Variants in MEOX1 observed in about 807,000 individuals in gnomAD.
MEOX1 encodes the protein mesenchyme homeobox 1.
In MEOX1, 17 loss-of-function variants were observed where a neutral mutation model predicts 23.2. The ratio of observed to expected loss-of-function variants is 0.73; its 90% CI spans 0.50 to 1.10. The LOEUF (loss-of-function observed/expected upper bound fraction) is 1.10, where lower values mean the gene tolerates loss of function less well. Ranked by LOEUF, MEOX1 falls within the 50% of genes least tolerant of loss-of-function variation. The probability of loss-of-function intolerance (pLI) is 0.00; values close to 1 mark genes in which losing one functional copy is unlikely to be tolerated. For synonymous variants in MEOX1, 134 were observed against 135.1 expected (o/e 0.99, Z 0.06); for missense variants, 333 against 332.2 (o/e 1.00, Z -0.02).
At chr17:43,642,068 G>A in intron 2 of MEOX1, 36 bp from the exon 3 acceptor site, 1 of 1,593,274 alleles carries the variant, frequency 6.3e-7, no homozygotes, top group Non-Finnish European at 8.5e-7. Flanking sequence ...GTCACTCCAG[G>A]GCCGGTGTGA....
rs139616736 is a variant in MEOX1 at position 43,645,766 on chromosome 17, A to C, written c.470-2106T>G. On this transcript the variant is annotated intron_variant, in intron 1 of 2. Coordinates refer to ENST00000318579, the MANE Select transcript of MEOX1 (RefSeq NM_004527.4). ...GAACCCCACATTAACCCGGCGATCC[A>C]CTTTGGAGCTTTGAGCCTAGCTGGT... 1.2e-3 allele frequency among the ~76,000 whole-genome samples: 180 copies of C among 152,238 alleles called. 2 individuals carry two copies. The highest frequency in any genetic ancestry group is 4.2e-3 in the African/African-American group (174 of 41,578).
chr17:43,647,793 G>A (rs1018129268), intron 1 of MEOX1, among the ~76,000 whole-genome samples: 23 of 152,274 alleles, frequency 1.5e-4, no homozygotes, highest in African/African-American at 5.1e-4. Flanking sequence ...TTCCAGTGCC[G>A]ATTTCCAGCA....
intron 1 of MEOX1, among the ~76,000 whole-genome samples, chr17:43,652,318 G>A (rs929787849): frequency 2.0e-5 from 3 of 152,092 alleles, no homozygotes; most frequent in African/African-American, 7.2e-5. Flanking sequence ...AGGCAGGCCC[G>A]GCTGACAGCA....
rs1383190867 is a variant in MEOX1 at position 43,641,648 on chromosome 17, A to T, written c.*262T>A. 5.5e-6 allele frequency: 2 copies of T among 366,934 alleles called. No individual in the cohort carries two copies. The highest frequency in any genetic ancestry group is 2.1e-5 in the African/African-American group (1 of 48,186). The allele number at this position is 366,934 out of a possible 1,614,324, so 22.7% of individuals were successfully genotyped here. A position where few individuals can be genotyped will look rare whatever the true frequency, so the allele number is the denominator to read the frequency against. Reference sequence around the variant, plus strand: ...TATCTCTGAAGCTGTTTCCAGATTCATCCGGCCCGGTAGGATCTCTGTCTG... The same window carrying T: ...TATCTCTGAAGCTGTTTCCAGATTCTTCCGGCCCGGTAGGATCTCTGTCTG... On this transcript the variant is annotated 3_prime_UTR_variant, in exon 3 of 3. Transcript: ENST00000318579.
At chr17:43,645,980 G>A (rs754787906) in intron 1 of MEOX1, among the ~76,000 whole-genome samples, 1 of 152,254 alleles carries the variant, frequency 6.6e-6, no homozygotes, top group Non-Finnish European at 1.5e-5. Context: ...GGGATGGAAG[G>A]GGAGTGGGTG....
chr17:43,649,033 C>T (rs1428736859), intron 1 of MEOX1, among the ~76,000 whole-genome samples: 2 of 152,158 alleles, frequency 1.3e-5, no homozygotes. Context: ...TCAATTTCCT[C>T]ATTTGCAAAG....
rs1455072326 is a variant in MEOX1 at position 43,661,434 on chromosome 17, C to T, written c.101G>A (p.Gly34Glu). 6.2e-7 allele frequency: 1 copy of T among 1,612,474 alleles called. No individual in the cohort carries two copies. Among genetic ancestry groups the T allele is most frequent in the African/African-American group, 1.3e-5 (1 of 74,830 alleles). ...CGGGGTGGGCGGGTAGTGGGGTAGC[C>T]CTGAGGCCCCATTGCCTTCCGAGTG... ...NPHSEGNGAS[G>E]LPHYPPTPFS... Residue 34 changes from glycine to glutamate, a missense_variant, in exon 1 of 3, where the codon GGG becomes GAG. By Grantham distance (98) the Gly-to-Glu change is moderately conservative (BLOSUM62 -2). Transcript: ENST00000318579.
chr17:43,661,346 T>C lies in MEOX1; in HGVS notation c.189A>G (p.Ser63=), dbSNP rs367782056. 49 of 1,613,228 alleles carry C rather than the reference T, an allele frequency of 3.0e-5. No homozygotes were observed. The East Asian group carries it at 5.8e-4, about 19-fold the overall frequency. Residue 63 remains serine, a synonymous_variant, in exon 1 of 3, where the codon TCA becomes TCG. Coordinates refer to ENST00000318579, the MANE Select transcript of MEOX1 (RefSeq NM_004527.4). ...GTGGGGTGGCTGCCAGGCAGGAGGC[T>C]GAGAAGTCAGGGTACGCTGCCGTCG... The part of the protein sequence containing the change: ...ATATAAYPDF[S]ASCLAATPHS...
chr17:43,646,575 C>A (rs1972818458), intron 1 of MEOX1, among the ~76,000 whole-genome samples: 1 of 151,490 alleles, frequency 6.6e-6, no homozygotes. Context: ...AGTCACTTAG[C>A]CTCTCTGGGC....
At position 43,641,756 on chromosome 17, in the gene MEOX1, T is replaced by C. The variant is rs769444541; in HGVS notation, c.*154A>G. 45 of 762,218 alleles carry C rather than the reference T, an allele frequency of 5.9e-5. No individual in the cohort carries two copies. In the Middle Eastern group the frequency reaches 8.4e-4, roughly 14 times the overall value. The allele number at this position is 762,218 out of a possible 1,614,324, so 47.2% of individuals were successfully genotyped here. ...AGAACTTCCTAGAAAATCCTAAGACTCCCAGGAATGCTGGGCAGTTTCATA... is the reference window on the plus strand; with the variant it reads ...AGAACTTCCTAGAAAATCCTAAGACCCCCAGGAATGCTGGGCAGTTTCATA... On this transcript the variant is annotated 3_prime_UTR_variant, in exon 3 of 3. Transcript: ENST00000318579.
intron 1 of MEOX1, among the ~76,000 whole-genome samples, chr17:43,657,170 CTTT>C (rs57432395): frequency 0.025 from 2,060 of 81,672 alleles, 36 homozygotes; most frequent in African/African-American, 0.1. Context: ...TTCTTTCTTT[CTTT>C]TTTTTTTTTT....
intron 2 of MEOX1, 45 bp from the exon 3 acceptor site, chr17:43,642,077 GACC>G (rs1293734344): frequency 6.3e-7 from 1 of 1,581,512 alleles, no homozygotes; most frequent in Non-Finnish European, 8.6e-7. Flanking sequence ...GGGCCGGTGT[GACC>G]TCCTCCCCAT....
At chr17:43,645,944 C>G (rs1972802020) in intron 1 of MEOX1, among the ~76,000 whole-genome samples, 1 of 152,250 alleles carries the variant, frequency 6.6e-6, no homozygotes, top group South Asian at 2.1e-4. Flanking sequence ...GCCCACCTCG[C>G]GCTGCGCGTC....
intron 1 of MEOX1, among the ~76,000 whole-genome samples, chr17:43,644,213 A>C (rs1229711999): frequency 6.6e-6 from 1 of 152,162 alleles, no homozygotes; most frequent in Non-Finnish European, 1.5e-5. Flanking sequence ...CTAAGACCTC[A>C]CCACTCAAAG....
At chr17:43,652,010 T>C (rs918544193) in intron 1 of MEOX1, among the ~76,000 whole-genome samples, 2 of 152,192 alleles carry the variant, frequency 1.3e-5, no homozygotes, top group Non-Finnish European at 2.9e-5. Flanking sequence ...CTGGAGCCTC[T>C]GAGTTCAGAT....
rs369210159 is a variant in MEOX1, at chr17:43,641,285, C to A, written c.*625G>T. 1.0e-3 allele frequency: 160 copies of A among 152,400 alleles called. 3 individuals are homozygous for A. In the South Asian group the frequency reaches 0.033, roughly 31 times the overall value. The allele number at this position is 152,400 out of a possible 1,614,324, so 9.4% of individuals were successfully genotyped here. ...CTCTAGTCAGTTCTCAGAAGTGTCT[C>A]CACTTAGCCAACAAATTTGGAGACA... On this transcript the variant is annotated 3_prime_UTR_variant, in exon 3 of 3. Coordinates refer to ENST00000318579, the MANE Select transcript of MEOX1 (RefSeq NM_004527.4).
intron 1 of MEOX1, among the ~76,000 whole-genome samples, chr17:43,657,105 CTT>C (rs1369359190): frequency 7.4e-6 from 1 of 134,872 alleles, no homozygotes; most frequent in Non-Finnish European, 1.6e-5. Flanking sequence ...TTCTTTCTCT[CTT>C]TTTCTCTCTG....
At chr17:43,651,704 C>T (rs909114731) in intron 1 of MEOX1, among the ~76,000 whole-genome samples, 11 of 152,192 alleles carry the variant, frequency 7.2e-5, no homozygotes, top group Non-Finnish European at 1.3e-4. Context: ...GTCTCTCAGG[C>T]AGAAAGGATT....
chr17:43,648,001 A>G (rs1476794266), intron 1 of MEOX1, among the ~76,000 whole-genome samples: 1 of 152,244 alleles, frequency 6.6e-6, no homozygotes, highest in Admixed American at 6.5e-5. Flanking sequence ...AAGTATGGGA[A>G]GCAAGCTATG....
Sources: allele counts gnomAD v4.1 joint callset (sites outside exome capture counted in the v4.1 genomes callset), GRCh38; gene constraint gnomAD v4.1.1; transcripts MANE v1.5; gene names NCBI Gene and HGNC (gene_info 2026-07-23, HGNC 2026-07-21).